Variants in GRIA4 observed in about 807,000 individuals in gnomAD.
GRIA4 encodes the protein glutamate ionotropic receptor AMPA type subunit 4.
A neutral mutation model predicts 104.0 loss-of-function variants in GRIA4; 34 were observed. That is an observed-to-expected ratio of 0.33 (90% CI 0.25 to 0.44). The LOEUF is 0.44. Among genes scored for constraint, GRIA4 ranks in the 20% least tolerant of loss-of-function variants. The pLI, the probability that GRIA4 is intolerant of heterozygous loss-of-function variation, is 1.00. For missense variants in GRIA4, 750 were observed against 1,096.5 expected (o/e 0.68, Z 4.46); for synonymous variants, 386 against 381.9 (o/e 1.01, Z -0.13).
At chr11:105,822,498 G>A (rs1176415972) in intron 4 of GRIA4, among the ~76,000 whole-genome samples, 2 of 152,064 alleles carry the variant, frequency 1.3e-5, no homozygotes, top group African/African-American at 4.8e-5. Flanking sequence ...GTAACACTTA[G>A]CATAATGTCT....
At chr11:105,896,725 T>C (rs1224160849) in intron 6 of GRIA4, among the ~76,000 whole-genome samples, 1 of 152,156 alleles carries the variant, frequency 6.6e-6, no homozygotes, top group Non-Finnish European at 1.5e-5. Flanking sequence ...GTTGTAGGTA[T>C]GTGACTTTAT....
At chr11:105,725,163 C>G (rs1172305134) in intron 3 of GRIA4, among the ~76,000 whole-genome samples, 2 of 152,062 alleles carry the variant, frequency 1.3e-5, no homozygotes, top group African/African-American at 2.4e-5. Context: ...TAGAATAATT[C>G]AAGCATTGAA....
chr11:105,671,593 G>A (rs187706262), intron 3 of GRIA4, among the ~76,000 whole-genome samples: 59 of 131,016 alleles, frequency 4.5e-4, no homozygotes, highest in Non-Finnish European at 1.4e-4. Flanking sequence ...CAGGAGAATC[G>A]CTTGAATCCA....
intron 14 of GRIA4, 100 bp downstream of exon 14, chr11:105,934,069 ATGTTTGTT>A: frequency 2.0e-6 from 2 of 1,001,714 alleles, no homozygotes; most frequent in Non-Finnish European, 2.9e-6. Flanking sequence ...TGAACATGGT[ATGTTTGTT>A]TGTTTGTTTT....
intron 9 of GRIA4, 37 bp from the exon 10 acceptor site, chr11:105,910,398 C>T (rs773272947): frequency 1.6e-5 from 16 of 1,007,976 alleles, no homozygotes; most frequent in Non-Finnish European, 2.2e-5. Context: ...GTAAATGCTT[C>T]TAAAATATGT....
chr11:105,645,847 G>A (rs1022933565), intron 3 of GRIA4, among the ~76,000 whole-genome samples: 1 of 152,112 alleles, frequency 6.6e-6, no homozygotes, highest in African/African-American at 2.4e-5. Flanking sequence ...GAAAAAATTT[G>A]CAGAAATGAG....
intron 3 of GRIA4, among the ~76,000 whole-genome samples, chr11:105,656,078 G>T (rs1290876641): frequency 6.6e-6 from 1 of 152,154 alleles, no homozygotes; most frequent in Non-Finnish European, 1.5e-5. Flanking sequence ...TTTCTCTCAT[G>T]ACCAGTGATG....
In GRIA4 at chr11:105,924,278, C is replaced by T. The variant is rs1319777364; in HGVS notation, c.1477-121C>T. On this transcript the variant is annotated intron_variant, in intron 11 of 16. Coordinates refer to ENST00000282499, the MANE Select transcript of GRIA4 (RefSeq NM_000829.4). ...TATCACTAGGCTTATACATTGTTGG[C>T]ACTCCAAAAATAAATGTAGAATAAA... 9 of 651,630 alleles carry T rather than the reference C, an allele frequency of 1.4e-5. No homozygotes were observed. The Admixed American group carries it at 2.2e-4, about 16-fold the overall frequency. The allele number at this position is 651,630 out of a possible 1,614,324, so 40.4% of individuals were successfully genotyped here. A position where few individuals can be genotyped will look rare whatever the true frequency, so the allele number is the denominator to read the frequency against.
At chr11:105,694,890 T>G (rs1411641168) in intron 3 of GRIA4, among the ~76,000 whole-genome samples, 3 of 152,290 alleles carry the variant, frequency 2.0e-5, no homozygotes, top group East Asian at 3.9e-4. Context: ...CAATATAGGA[T>G]TTTACTTATT....
chr11:105,659,430 A>G (rs1423960475), intron 3 of GRIA4, among the ~76,000 whole-genome samples: 3 of 151,978 alleles, frequency 2.0e-5, no homozygotes, highest in Admixed American at 1.3e-4. Context: ...ATATCTACCC[A>G]GAATACCTGG....
At chr11:105,655,872 G>C (rs537835681) in intron 3 of GRIA4, among the ~76,000 whole-genome samples, 2 of 152,112 alleles carry the variant, frequency 1.3e-5, no homozygotes, top group Non-Finnish European at 2.9e-5. Context: ...TGGGTCAAAT[G>C]GTATTTCTAT....
intron 4 of GRIA4, among the ~76,000 whole-genome samples, chr11:105,801,787 A>G (rs1942731786): frequency 6.6e-6 from 1 of 152,138 alleles, no homozygotes; most frequent in South Asian, 2.1e-4. Flanking sequence ...TGAAAATGGA[A>G]TTGAGTTCCT....
rs945534107 is a variant in GRIA4 at position 105,951,014 on chromosome 11, G to A, written c.2294+17045G>A. Among the ~76,000 whole-genome samples, 3 of 152,280 alleles carry A rather than the reference G, an allele frequency of 2.0e-5. No homozygotes were observed. The East Asian group carries it at 5.8e-4, about 29-fold the overall frequency. On this transcript the variant is annotated intron_variant, in intron 14 of 16. Transcript: ENST00000282499. ...GTCACCTAACTTTCATTAGGCCCCAGGGACTGCATCCTAGGGCCTAATAAG... is the reference window on the plus strand; with the variant it reads ...GTCACCTAACTTTCATTAGGCCCCAAGGACTGCATCCTAGGGCCTAATAAG...
chr11:105,709,871 A>C (rs1351557554), intron 3 of GRIA4, among the ~76,000 whole-genome samples: 1 of 152,154 alleles, frequency 6.6e-6, no homozygotes, highest in Non-Finnish European at 1.5e-5. Context: ...TCAGATGAGA[A>C]ACAATGGATT....
intron 3 of GRIA4, among the ~76,000 whole-genome samples, chr11:105,667,646 GTGTCC>G: frequency 6.6e-6 from 1 of 151,992 alleles, no homozygotes; most frequent in East Asian, 1.9e-4. Flanking sequence ...TCAGCAATTT[GTGTCC>G]CTCTCATTTA....
intron 4 of GRIA4, among the ~76,000 whole-genome samples, chr11:105,770,329 A>C (rs1332751713): frequency 6.6e-6 from 1 of 152,072 alleles, no homozygotes; most frequent in Non-Finnish European, 1.5e-5. Flanking sequence ...CTCGTGTTTA[A>C]TATAAGAAAT....
chr11:105,624,701 A>G lies in GRIA4; in HGVS notation c.247+12267A>G, dbSNP rs191259604. Among the ~76,000 whole-genome samples, 278 of 152,140 alleles carry G rather than the reference A, an allele frequency of 1.8e-3. 1 individual carries two copies. Among genetic ancestry groups the G allele is most frequent in the African/African-American group, 6.3e-3 (262 of 41,534 alleles). On this transcript the variant is annotated intron_variant, in intron 3 of 16. Transcript: ENST00000282499. ...GTTCCAAAAATTTAACATCAATACAAAGTGATCCCTTTTTTCCTCCCCAAA... is the reference window on the plus strand; with the variant it reads ...GTTCCAAAAATTTAACATCAATACAGAGTGATCCCTTTTTTCCTCCCCAAA...
At chr11:105,915,869 CA>C (rs1222393909) in intron 10 of GRIA4, among the ~76,000 whole-genome samples, 3 of 152,034 alleles carry the variant, frequency 2.0e-5, no homozygotes, top group Non-Finnish European at 4.4e-5. Context: ...GAAATAGCTT[CA>C]AAAATTTCCA....
chr11:105,771,227 A>C (rs1941194441), intron 4 of GRIA4, among the ~76,000 whole-genome samples: 1 of 151,962 alleles, frequency 6.6e-6, no homozygotes, highest in South Asian at 2.1e-4. Context: ...ATCCATGCCC[A>C]CTCTACAGAA....
Sources: allele counts gnomAD v4.1 joint callset (sites outside exome capture counted in the v4.1 genomes callset), GRCh38; gene constraint gnomAD v4.1.1; transcripts MANE v1.5; gene names NCBI Gene and HGNC (gene_info 2026-07-23, HGNC 2026-07-21).